The following SDK1 variants were observed in gnomAD, a reference collection of about 807,000 sequenced individuals.
The protein encoded by SDK1 is protein sidekick-1.
Under a neutral mutation model 245.5 loss-of-function variants are expected in SDK1, and 157 were observed. The observed-to-expected ratio is 0.64, with a 90% CI of 0.56 to 0.73. The LOEUF is 0.73. SDK1 is among the 30% of genes least tolerant of loss of function. SDK1 has a pLI of 0.00. For missense variants in SDK1, 3,583 were observed against 3,002.3 expected (o/e 1.19, Z -4.52); for synonymous variants, 1,647 against 1,278.5 (o/e 1.29, Z -6.15).
chr7:3,563,495 G>T (rs990301453), intron 1 of SDK1, among the ~76,000 whole-genome samples: 4 of 152,118 alleles, frequency 2.6e-5, no homozygotes, highest in Non-Finnish European at 2.9e-5. Context: ...TATTGATAAA[G>T]GGAATATGAC....
At chr7:4,210,831 G>A (rs1460908958) in intron 38 of SDK1, among the ~76,000 whole-genome samples, 1 of 152,196 alleles carries the variant, frequency 6.6e-6, no homozygotes, top group Non-Finnish European at 1.5e-5. Flanking sequence ...AATTAAATCA[G>A]CAAACAACAG....
intron 13 of SDK1, among the ~76,000 whole-genome samples, chr7:3,983,272 A>G (rs1783557373): frequency 6.6e-6 from 1 of 152,244 alleles, no homozygotes; most frequent in Non-Finnish European, 1.5e-5. Flanking sequence ...GTTATCAAAC[A>G]GCATCACATG....
intron 43 of SDK1, among the ~76,000 whole-genome samples, chr7:4,243,950 C>T (rs1235428240): frequency 6.6e-6 from 1 of 152,196 alleles, no homozygotes; most frequent in Non-Finnish European, 1.5e-5. Flanking sequence ...TTGGGGAAGA[C>T]ACCATTTTAG....
At chr7:4,025,901 A>C (rs1418991344) in intron 17 of SDK1, among the ~76,000 whole-genome samples, 1 of 151,940 alleles carries the variant, frequency 6.6e-6, no homozygotes, top group African/African-American at 2.4e-5. Flanking sequence ...TCCAACAGCA[A>C]CCCTTCCTGG....
intron 5 of SDK1, among the ~76,000 whole-genome samples, chr7:3,907,401 C>G (rs775489975): frequency 6.6e-6 from 1 of 152,080 alleles, no homozygotes. Context: ...TTTTACTTAC[C>G]GTAATGTTTG....
At chr7:3,904,035 C>G (rs915250338) in intron 5 of SDK1, among the ~76,000 whole-genome samples, 2 of 152,110 alleles carry the variant, frequency 1.3e-5, no homozygotes, top group Non-Finnish European at 2.9e-5. Context: ...TTGAACTTCC[C>G]AGCCATCAGA....
At chr7:3,608,513 A>G (rs182903058) in intron 1 of SDK1, among the ~76,000 whole-genome samples, 3 of 152,250 alleles carry the variant, frequency 2.0e-5, no homozygotes, top group East Asian at 1.9e-4. Context: ...AATTGAGCTC[A>G]TAAGTAAAAA....
intron 40 of SDK1, among the ~76,000 whole-genome samples, chr7:4,226,297 C>G (rs116094315): frequency 0.011 from 1,675 of 152,328 alleles, 37 homozygotes; most frequent in African/African-American, 0.038. Context: ...GGCAGCCCCT[C>G]TGGCCCACGT....
At chr7:3,487,115 TA>T (rs1307228340) in intron 1 of SDK1, among the ~76,000 whole-genome samples, 2 of 152,196 alleles carry the variant, frequency 1.3e-5, no homozygotes, top group African/African-American at 2.4e-5. Context: ...TCTGTTCCAA[TA>T]AAATTTTATT....
At chr7:3,671,730 GA>G (rs1481005332) in intron 4 of SDK1, among the ~76,000 whole-genome samples, 2 of 140,640 alleles carry the variant, frequency 1.4e-5, no homozygotes, top group African/African-American at 5.1e-5. Context: ...ACAGTCTCAT[GA>G]AAAACCTAAT....
chr7:3,538,714 G>T lies in SDK1; in HGVS notation c.299-80366G>T, dbSNP rs144420784. Among the ~76,000 whole-genome samples, 763 of 152,282 alleles carry T rather than the reference G, an allele frequency of 5.0e-3. 9 individuals are homozygous for T. Among genetic ancestry groups the T allele is most frequent in the Non-Finnish European group, 4.6e-3 (312 of 68,022 alleles). ...CTTCTGTGCCAGGCTTAGGGCACAG[G>T]AGTTTATACTCTCTATGCAAACCCC... On this transcript the variant is annotated intron_variant, in intron 1 of 44. Coordinates refer to ENST00000404826, the MANE Select transcript of SDK1 (RefSeq NM_152744.4).
At position 3,808,692 on chromosome 7, in the gene SDK1, A is replaced by T. The variant is rs578138304; in HGVS notation, c.714-12758A>T. Among the ~76,000 whole-genome samples, 3 of 152,192 alleles carry T rather than the reference A, an allele frequency of 2.0e-5. No homozygotes were observed. The East Asian group carries it at 5.8e-4, about 29-fold the overall frequency. ...ATGGCTGTTTGATACATCAGTTTCTACCTGATGGCTGTTTGACCATTTCCC... is the reference window on the plus strand; with the variant it reads ...ATGGCTGTTTGATACATCAGTTTCTTCCTGATGGCTGTTTGACCATTTCCC... On this transcript the variant is annotated intron_variant, in intron 4 of 44. Coordinates refer to ENST00000404826, the MANE Select transcript of SDK1 (RefSeq NM_152744.4).
At chr7:4,189,592 G>A (rs1045904631) in intron 35 of SDK1, among the ~76,000 whole-genome samples, 3 of 152,202 alleles carry the variant, frequency 2.0e-5, no homozygotes, top group Non-Finnish European at 4.4e-5. Context: ...GCTCATGCCT[G>A]TAATCCTAGC....
At chr7:3,532,623 C>CT (rs1783385586) in intron 1 of SDK1, among the ~76,000 whole-genome samples, 1 of 152,172 alleles carries the variant, frequency 6.6e-6, no homozygotes, top group Admixed American at 6.5e-5. Flanking sequence ...ATGTTAACTC[C>CT]AGGTCATTAT....
At chr7:3,459,048 G>T (rs1016087291) in intron 1 of SDK1, among the ~76,000 whole-genome samples, 2 of 152,142 alleles carry the variant, frequency 1.3e-5, no homozygotes, top group African/African-American at 4.8e-5. Context: ...AAAAAACTCT[G>T]CTCAGATTTC....
chr7:4,194,005 C>G (rs929635065), intron 35 of SDK1, among the ~76,000 whole-genome samples: 2 of 152,132 alleles, frequency 1.3e-5, no homozygotes, highest in Non-Finnish European at 2.9e-5. Context: ...CAAGGACTAT[C>G]AGCATTCTCC....
rs185034894 is a variant in SDK1 at position 3,746,432 on chromosome 7, G to A, written c.714-75018G>A. 3.3e-5 allele frequency among the ~76,000 whole-genome samples: 5 copies of A among 152,234 alleles called. No individual in the cohort carries two copies. In the South Asian group the frequency reaches 1.0e-3, roughly 32 times the overall value. On this transcript the variant is annotated intron_variant, in intron 4 of 44. Coordinates refer to ENST00000404826, the MANE Select transcript of SDK1 (RefSeq NM_152744.4). Reference sequence around the variant, plus strand: ...AGTGAAGTTTGCCCCATCAATTGATGTCTTCCTTTCACAAAAGATTTCTCT... The same window carrying A: ...AGTGAAGTTTGCCCCATCAATTGATATCTTCCTTTCACAAAAGATTTCTCT...
intron 20 of SDK1, among the ~76,000 whole-genome samples, chr7:4,070,580 C>T (rs1349648249): frequency 6.6e-6 from 1 of 152,170 alleles, no homozygotes; most frequent in African/African-American, 2.4e-5. Context: ...CATAGCAAAC[C>T]CAGTGCCAAC....
At chr7:3,591,279 G>C (rs552845050) in intron 1 of SDK1, among the ~76,000 whole-genome samples, 1 of 152,232 alleles carries the variant, frequency 6.6e-6, no homozygotes, top group Non-Finnish European at 1.5e-5. Context: ...TGAGTGCCAG[G>C]ACCTAAGTTT....
Sources: gnomAD v4.1 joint callset for allele counts (sites outside exome capture counted in the v4.1 genomes callset) on GRCh38, gnomAD v4.1.1 for gene constraint, MANE v1.5 for transcripts, NCBI Gene and HGNC (gene_info 2026-07-23, HGNC 2026-07-21) for gene names.